CSPP1: variants seen among roughly 807,000 people sequenced by gnomAD.
CSPP1 encodes centrosome and spindle pole-associated protein 1.
A neutral mutation model predicts 164.4 loss-of-function variants in CSPP1; 126 were observed. That is an observed-to-expected ratio of 0.77 (90% CI 0.66 to 0.89). The LOEUF (loss-of-function observed/expected upper bound fraction) is 0.89. Among genes scored for constraint, CSPP1 ranks in the 40% least tolerant of loss-of-function variants. CSPP1 has a pLI of 0.00. For missense variants in CSPP1, 1,395 were observed against 1,449.8 expected, an observed-to-expected ratio of 0.96 and a Z score of 0.61; for synonymous variants, 472 against 476.7, an observed-to-expected ratio of 0.99 and a Z score of 0.13.
In CSPP1 at chr8:67,164,396, A is replaced by G. The variant is rs757668617; in HGVS notation, c.2716A>G (p.Lys906Glu). 5.3e-6 allele frequency: 8 copies of G among 1,505,276 alleles called. No individual in the cohort carries two copies. In the East Asian group the frequency reaches 1.6e-4, roughly 30 times the overall value. 93.2% of individuals were successfully genotyped at this position (1,505,276 alleles called of 1,614,324 possible). The change falls in exon 24 of 31, where the codon AAA (lysine) becomes GAA (glutamate). Residue 906 changes from lysine to glutamate, a missense_variant. Transcript: ENST00000678616. ...RKNQLRAEEE[K>E]KNVIMELSEM... ...TTATCAATGGGAATTTGCAGAGGAG[A>G]AAAAAAATGTAATTATGGAATTATC...
chr8:67,082,315 G>A (rs1287788643), intron 3 of CSPP1, among the ~76,000 whole-genome samples: 1 of 152,194 alleles, frequency 6.6e-6, no homozygotes, highest in Non-Finnish European at 1.5e-5. Context: ...CTCCCAAAGT[G>A]CTGGGATTAC....
At chr8:67,180,249 G>A (rs1021675509) in intron 28 of CSPP1, among the ~76,000 whole-genome samples, 3 of 152,138 alleles carry the variant, frequency 2.0e-5, no homozygotes, top group Non-Finnish European at 2.9e-5. Context: ...CCATGCCATG[G>A]AATACCACTT....
chr8:67,159,224 A>G, intron 21 of CSPP1, 87 bp downstream of exon 21: 1 of 1,270,756 alleles, frequency 7.9e-7, no homozygotes. Context: ...AAAGGGGAGA[A>G]AGAGGAGGAG....
Position 67,164,461 on chromosome 8 carries a change from A to G in CSPP1, c.2781A>G (p.Leu927=), listed in dbSNP as rs760800310. The G allele has an allele frequency of 3.7e-6, 6 of 1,605,152 alleles. No homozygotes were observed. In the Admixed American group the frequency reaches 8.3e-5, roughly 22 times the overall value. The stretch of plus-strand genomic sequence containing the variant: ...AGCTTCGTAGTGAAGAGAGGCGTCT[A>G]CAAGAGCGATTGCTACACATGGACA... ...RKQLRSEERR[L]QERLLHMDSD... is the part of the protein sequence containing the mutation. The change falls in exon 24 of 31, where the codon CTA becomes CTG. Residue 927 remains leucine (L), a synonymous_variant. Transcript: ENST00000678616.
intron 1 of CSPP1, among the ~76,000 whole-genome samples, chr8:67,072,990 C>A (rs1009317253): frequency 2.6e-5 from 4 of 151,146 alleles, no homozygotes; most frequent in Non-Finnish European, 5.9e-5. Context: ...AGATGCTCAA[C>A]ATCATAGTTA....
At chr8:67,101,190 G>T (rs993256080) in intron 7 of CSPP1, among the ~76,000 whole-genome samples, 3 of 152,156 alleles carry the variant, frequency 2.0e-5, no homozygotes, top group Non-Finnish European at 2.9e-5. Context: ...TTTATTGTGG[G>T]ATGGTTACGT....
Position 67,154,572 on chromosome 8 carries a change from T to C in CSPP1, c.2241+436T>C, listed in dbSNP as rs868433398. 2.0e-4 allele frequency among the ~76,000 whole-genome samples: 31 copies of C among 152,060 alleles called. 1 individual carries two copies. The Middle Eastern group carries it at 0.014, about 67-fold the overall frequency. ...TAGTGGAGACAGGGTTTCACCGTAT[T>C]AGCCAGGATGGTCTTGATCTCCTGA... On this transcript the variant is annotated intron_variant, in intron 19 of 30. Transcript: ENST00000678616.
intron 11 of CSPP1, 30 bp downstream of exon 11, chr8:67,113,892 A>T (rs1394371441): frequency 7.2e-7 from 1 of 1,390,574 alleles, no homozygotes; most frequent in Non-Finnish European, 1.0e-6. Context: ...TTTAATGTTT[A>T]ATCTTTCATC....
chr8:67,131,573 A>G (rs1047423351), intron 15 of CSPP1, among the ~76,000 whole-genome samples: 2 of 152,194 alleles, frequency 1.3e-5, no homozygotes, highest in African/African-American at 4.8e-5. Flanking sequence ...TTTATTAGTA[A>G]ATCATTTAAA....
In CSPP1 at chr8:67,137,667, T is replaced by C. The variant is rs998560977; in HGVS notation, c.1975+64T>C. ...AATTATTTTTAACTTTTTAAAAGAT[T>C]GGGGAGTAGAAAAAAGTAGGAATCA... On this transcript the variant is annotated intron_variant, in intron 17 of 30. Transcript: ENST00000678616. 21 of 1,158,902 alleles carry C rather than the reference T, an allele frequency of 1.8e-5. No individual in the cohort carries two copies. In the Admixed American group the frequency reaches 3.8e-4, roughly 21 times the overall value. The allele number at this position is 1,158,902 out of a possible 1,614,324, so 71.8% of individuals were successfully genotyped here. A position where few individuals can be genotyped will look rare whatever the true frequency, so the allele number is the denominator to read the frequency against.
At chr8:67,103,570 G>C (rs1358921944) in intron 8 of CSPP1, among the ~76,000 whole-genome samples, 1 of 151,670 alleles carries the variant, frequency 6.6e-6, no homozygotes, top group African/African-American at 2.4e-5. Flanking sequence ...CGATGCAGGC[G>C]GATCACTTGA....
chr8:67,104,967 T>TATATATATATATA (rs61548979), intron 8 of CSPP1, among the ~76,000 whole-genome samples: 8 of 87,628 alleles, frequency 9.1e-5, no homozygotes, highest in South Asian at 8.1e-4. Context: ...TATATATATA[T>TATATATATATATA]TTTTTTTTTT....
chr8:67,130,023 A>AT (rs1164350138), intron 15 of CSPP1, among the ~76,000 whole-genome samples: 1 of 152,188 alleles, frequency 6.6e-6, no homozygotes, highest in Non-Finnish European at 1.5e-5. Flanking sequence ...CTACATGTGG[A>AT]TTTTTTTCAG....
In CSPP1 at chr8:67,120,627, A is replaced by G. The variant is rs118051517; in HGVS notation, c.1697+1806A>G. ...ATTTTATTCTTTTGGATGCTTTCAT[A>G]AATGGAATTCCTTTCATAATTTTCT... On this transcript the variant is annotated intron_variant, in intron 15 of 30. Transcript: ENST00000678616. 5.5e-3 allele frequency among the ~76,000 whole-genome samples: 843 copies of G among 152,234 alleles called. 6 individuals are homozygous for G. Among genetic ancestry groups the G allele is most frequent in the Non-Finnish European group, 0.01 (709 of 68,014 alleles).
chr8:67,112,022 G>A lies in CSPP1; in HGVS notation c.1144G>A (p.Glu382Lys). The A allele has an allele frequency of 6.2e-7, 1 of 1,612,308 alleles. No individual in the cohort carries two copies. Among genetic ancestry groups the A allele is most frequent in the Non-Finnish European group, 8.5e-7 (1 of 1,179,046 alleles). Reference sequence around the variant, plus strand: ...GAGAAGGAAAGAGAAATACAGACTAGAACTGTTGGAACAAATGGCTGAGCA... The same window carrying A: ...GAGAAGGAAAGAGAAATACAGACTAAAACTGTTGGAACAAATGGCTGAGCA... ...IQRRKEKYRL[E>K]LLEQMAEQQR... The change falls in exon 10 of 31, where the codon GAA becomes AAA. Residue 382 changes from glutamate to lysine, a missense_variant. Transcript: ENST00000678616.
chr8:67,192,526 C>G (rs955676939), intron 29 of CSPP1, among the ~76,000 whole-genome samples: 1 of 152,122 alleles, frequency 6.6e-6, no homozygotes, highest in African/African-American at 2.4e-5. Flanking sequence ...CTTTGAAGCA[C>G]AGAAGTTTTT....
chr8:67,137,264 C>T (rs1374996598), intron 16 of CSPP1, among the ~76,000 whole-genome samples, 192 bp from the exon 17 acceptor site: 1 of 151,712 alleles, frequency 6.6e-6, no homozygotes, highest in Non-Finnish European at 1.5e-5. Flanking sequence ...CGACACCTGA[C>T]CTAAAGTATT....
chr8:67,184,997 C>T (rs564150494), intron 28 of CSPP1, among the ~76,000 whole-genome samples: 20 of 145,876 alleles, frequency 1.4e-4, no homozygotes, highest in Non-Finnish European at 2.7e-4. Flanking sequence ...CCCAGCTGCT[C>T]GGGAGGCTGA....
chr8:67,107,759 TA>T (rs1815884393), intron 9 of CSPP1, among the ~76,000 whole-genome samples: 1 of 152,156 alleles, frequency 6.6e-6, no homozygotes, highest in Non-Finnish European at 1.5e-5. Context: ...TTGCTTTATT[TA>T]AAAAGTGAGA....
Sources: gnomAD v4.1 joint callset for allele counts (sites outside exome capture counted in the v4.1 genomes callset) on GRCh38, gnomAD v4.1.1 for gene constraint, MANE v1.5 for transcripts, NCBI Gene and HGNC (gene_info 2026-07-23, HGNC 2026-07-21) for gene names.